PARD3: variants seen among roughly 807,000 people sequenced by gnomAD.
The protein encoded by PARD3 is par-3 family cell polarity regulator.
Under a neutral mutation model 155.4 loss-of-function variants are expected in PARD3, and 75 were observed. The observed-to-expected ratio is 0.48, with a 90% CI of 0.40 to 0.58. PARD3 has a LOEUF of 0.58. Ranked by LOEUF, PARD3 falls within the 20% of genes least tolerant of loss-of-function variation. PARD3 has a pLI of 0.00. For missense variants in PARD3, 1,642 were observed against 1,721.7 expected, an observed-to-expected ratio of 0.95 and a Z score of 0.82; for synonymous variants, 576 against 610.5, an observed-to-expected ratio of 0.94 and a Z score of 0.83.
intron 1 of PARD3, among the ~76,000 whole-genome samples, chr10:34,765,256 G>A (rs1460934402): frequency 2.0e-5 from 3 of 152,120 alleles, no homozygotes; most frequent in East Asian, 1.9e-4. Context: ...CCATACTTCC[G>A]ATTTATAGCA....
chr10:34,663,234 C>G (rs1444191199), intron 2 of PARD3, among the ~76,000 whole-genome samples: 1 of 151,844 alleles, frequency 6.6e-6, no homozygotes, highest in African/African-American at 2.4e-5. Context: ...AGGGCCAGGG[C>G]GGGTAGATTG....
intron 2 of PARD3, among the ~76,000 whole-genome samples, chr10:34,662,041 G>A (rs572138609): frequency 6.6e-6 from 1 of 152,146 alleles, no homozygotes; most frequent in African/African-American, 2.4e-5. Context: ...AACCGTGAAG[G>A]CTACTACTGG....
At chr10:34,737,647 T>C (rs4259777) in intron 1 of PARD3, among the ~76,000 whole-genome samples, 93,184 of 151,866 alleles carry the variant, frequency 0.61, 28,924 homozygotes, top group East Asian at 0.69. Flanking sequence ...GGCCCTCGGC[T>C]CCCCCACCAC....
At chr10:34,285,312 C>T (rs1956332652) in intron 20 of PARD3, among the ~76,000 whole-genome samples, 1 of 152,246 alleles carries the variant, frequency 6.6e-6, no homozygotes, top group Non-Finnish European at 1.5e-5. Flanking sequence ...GTAATTCTAG[C>T]ACTTTGGGAG....
intron 22 of PARD3, among the ~76,000 whole-genome samples, chr10:34,228,217 CA>C (rs1554814175): frequency 1.3e-5 from 2 of 151,852 alleles, no homozygotes; most frequent in Non-Finnish European, 2.9e-5. Context: ...ATTGAGTACA[CA>C]TGGACACAAA....
At chr10:34,551,758 G>A (rs1187096796) in intron 2 of PARD3, among the ~76,000 whole-genome samples, 3 of 152,198 alleles carry the variant, frequency 2.0e-5, no homozygotes, top group Non-Finnish European at 2.9e-5. Context: ...CATGGGGAAG[G>A]AGAGAGGAGC....
At chr10:34,233,896 A>G (rs1953074000) in intron 22 of PARD3, among the ~76,000 whole-genome samples, 1 of 151,636 alleles carries the variant, frequency 6.6e-6, no homozygotes. Context: ...GGCCCTTTAC[A>G]CTCTGCACTG....
intron 2 of PARD3, among the ~76,000 whole-genome samples, chr10:34,545,712 G>A (rs779344147): frequency 4.6e-5 from 7 of 151,978 alleles, no homozygotes; most frequent in African/African-American, 7.2e-5. Flanking sequence ...CTGCCACGAC[G>A]CCCGGCTAAT....
At chr10:34,734,556 T>TC (rs2094879722) in intron 1 of PARD3, among the ~76,000 whole-genome samples, 1 of 152,028 alleles carries the variant, frequency 6.6e-6, no homozygotes, top group South Asian at 2.1e-4. Context: ...GCCAGTATGG[T>TC]CTCGATCTCC....
intron 23 of PARD3, among the ~76,000 whole-genome samples, 169 bp downstream of exon 23, chr10:34,131,294 A>G (rs1204089555): frequency 6.6e-6 from 1 of 152,248 alleles, no homozygotes; most frequent in Non-Finnish European, 1.5e-5. Flanking sequence ...AAATGAAATT[A>G]GCAATGATGA....
At chr10:34,293,064 TAAAC>T (rs1330524915) in intron 20 of PARD3, among the ~76,000 whole-genome samples, 2 of 151,556 alleles carry the variant, frequency 1.3e-5, no homozygotes, top group Non-Finnish European at 2.9e-5. Flanking sequence ...ATCAAACAAA[TAAAC>T]AAAAAACTGT....
At chr10:34,321,748 A>G (rs1409675120) in intron 19 of PARD3, among the ~76,000 whole-genome samples, 2 of 152,162 alleles carry the variant, frequency 1.3e-5, no homozygotes, top group East Asian at 3.9e-4. Flanking sequence ...AAGGCACTCA[A>G]CTCTGAAAGG....
chr10:34,455,703 T>A (rs1216333799), intron 4 of PARD3, among the ~76,000 whole-genome samples: 1 of 152,078 alleles, frequency 6.6e-6, no homozygotes, highest in African/African-American at 2.4e-5. Context: ...ATTGGAATAA[T>A]AAACTAAATG....
At chr10:34,259,370 G>A (rs568471473) in intron 22 of PARD3, among the ~76,000 whole-genome samples, 18 of 152,248 alleles carry the variant, frequency 1.2e-4, no homozygotes, top group East Asian at 1.9e-4. Flanking sequence ...CCGGAGGCTC[G>A]AGGGGAGAAT....
intron 2 of PARD3, among the ~76,000 whole-genome samples, chr10:34,622,075 T>C (rs2091712989): frequency 6.6e-6 from 1 of 152,226 alleles, no homozygotes; most frequent in African/African-American, 2.4e-5. Flanking sequence ...ATCGATTACA[T>C]TATTTTACTT....
chr10:34,505,512 T>C (rs1190371895), intron 3 of PARD3, among the ~76,000 whole-genome samples: 3 of 152,098 alleles, frequency 2.0e-5, no homozygotes, highest in Non-Finnish European at 4.4e-5. Context: ...GGGTCTAATT[T>C]CAAAGGCAAA....
In PARD3 at chr10:34,765,335, C is replaced by T. The variant is rs576975629; in HGVS notation, c.120+49541G>A. On this transcript the variant is annotated intron_variant, in intron 1 of 24. Transcript: ENST00000374788. ...CCCCAGCTCAGGAGAAAGAAAGCCA[C>T]ATTACATAAACCAGGCATGGTTTTG... is the stretch of plus-strand genomic sequence containing the variant. 3.3e-5 allele frequency among the ~76,000 whole-genome samples: 5 copies of T among 152,306 alleles called. No homozygotes were observed. The South Asian group carries it at 1.0e-3, about 32-fold the overall frequency.
intron 2 of PARD3, among the ~76,000 whole-genome samples, chr10:34,604,484 T>G (rs1482396163): frequency 6.6e-6 from 1 of 151,962 alleles, no homozygotes; most frequent in Non-Finnish European, 1.5e-5. Context: ...TTTGGGACTC[T>G]GGCTCTCCTT....
intron 2 of PARD3, among the ~76,000 whole-genome samples, chr10:34,654,025 G>A (rs2093094197): frequency 6.6e-6 from 1 of 152,148 alleles, no homozygotes; most frequent in African/African-American, 2.4e-5. Flanking sequence ...CATTAAGACA[G>A]AGGTGCATTA....
Sources: gnomAD v4.1 joint callset for allele counts (sites outside exome capture counted in the v4.1 genomes callset) on GRCh38, gnomAD v4.1.1 for gene constraint, MANE v1.5 for transcripts, NCBI Gene and HGNC (gene_info 2026-07-23, HGNC 2026-07-21) for gene names.